The following CNTNAP2 variants were observed in gnomAD, a reference collection of about 807,000 sequenced individuals.
CNTNAP2 encodes the protein contactin-associated protein-like 2.
Under a neutral mutation model 155.2 loss-of-function variants are expected in CNTNAP2, and 98 were observed. The ratio of observed to expected loss-of-function variants is 0.63; its 90% CI spans 0.54 to 0.75. The LOEUF (loss-of-function observed/expected upper bound fraction) is 0.75. CNTNAP2 is among the 30% of genes least tolerant of loss of function. The probability of loss-of-function intolerance (pLI) is 0.00; values close to 1 mark genes in which losing one functional copy is unlikely to be tolerated. For synonymous variants in CNTNAP2, 651 were observed against 631.2 expected (o/e 1.03, Z -0.47); for missense variants, 1,727 against 1,688.1 (o/e 1.02, Z -0.40).
intron 9 of CNTNAP2, among the ~76,000 whole-genome samples, chr7:147,311,307 G>A (rs546513803): frequency 6.6e-6 from 1 of 152,194 alleles, no homozygotes; most frequent in Non-Finnish European, 1.5e-5. Context: ...ACTTCTAAAG[G>A]AAAAAGAGGT....
At chr7:148,243,640 C>T (rs1281011200) in intron 20 of CNTNAP2, among the ~76,000 whole-genome samples, 6 of 151,970 alleles carry the variant, frequency 3.9e-5, no homozygotes, top group Non-Finnish European at 7.4e-5. Flanking sequence ...TTCACTATCA[C>T]AAGAACAGCA....
At chr7:147,224,107 C>T (rs186869894) in intron 8 of CNTNAP2, among the ~76,000 whole-genome samples, 2 of 152,058 alleles carry the variant, frequency 1.3e-5, no homozygotes, top group Non-Finnish European at 2.9e-5. Context: ...TCTCTGTATC[C>T]CTCATCTGTC....
chr7:147,722,723 A>G (rs781083261), intron 13 of CNTNAP2, among the ~76,000 whole-genome samples: 1 of 152,098 alleles, frequency 6.6e-6, no homozygotes, highest in Non-Finnish European at 1.5e-5. Context: ...TTAAACCTTT[A>G]AAGTCTCCCA....
At chr7:148,046,312 T>C (rs1802773454) in intron 15 of CNTNAP2, among the ~76,000 whole-genome samples, 1 of 152,160 alleles carries the variant, frequency 6.6e-6, no homozygotes, top group Admixed American at 6.5e-5. Context: ...ATTATAGTAC[T>C]ATGCATTATG....
chr7:147,350,252 A>G (rs1795946529), intron 9 of CNTNAP2, among the ~76,000 whole-genome samples: 1 of 151,918 alleles, frequency 6.6e-6, no homozygotes, highest in African/African-American at 2.4e-5. Flanking sequence ...TGCATTTTCT[A>G]ATTTCTCCTC....
intron 13 of CNTNAP2, among the ~76,000 whole-genome samples, chr7:147,818,800 G>C (rs954368722): frequency 3.3e-5 from 5 of 152,032 alleles, no homozygotes; most frequent in Admixed American, 6.6e-5. Flanking sequence ...TAACAAAATG[G>C]CTTAAAGGCA....
chr7:147,233,172 A>C (rs1803722625), intron 8 of CNTNAP2, among the ~76,000 whole-genome samples: 1 of 152,212 alleles, frequency 6.6e-6, no homozygotes. Flanking sequence ...ATGGAGAACA[A>C]AATAACTCAG....
chr7:147,039,983 C>A (rs1260723051), intron 3 of CNTNAP2, among the ~76,000 whole-genome samples: 2 of 152,254 alleles, frequency 1.3e-5, no homozygotes, highest in South Asian at 2.1e-4. Flanking sequence ...AGAGCTTCTG[C>A]ACAGCAAAAG....
At chr7:146,992,068 C>T (rs1204479562) in intron 3 of CNTNAP2, among the ~76,000 whole-genome samples, 1 of 152,064 alleles carries the variant, frequency 6.6e-6, no homozygotes, top group Non-Finnish European at 1.5e-5. Context: ...CACACATCTC[C>T]CTTGGAGGGT....
chr7:148,301,085 G>C (rs1207907524), intron 21 of CNTNAP2, among the ~76,000 whole-genome samples: 1 of 151,954 alleles, frequency 6.6e-6, no homozygotes, highest in African/African-American at 2.4e-5. Flanking sequence ...CACGAGGTCA[G>C]GAGTTTGAGA....
intron 21 of CNTNAP2, among the ~76,000 whole-genome samples, chr7:148,272,386 A>C (rs559579516): frequency 6.6e-6 from 1 of 152,306 alleles, no homozygotes; most frequent in African/African-American, 2.4e-5. Flanking sequence ...GAAATCTTCA[A>C]GGAAGAGAAA....
chr7:147,204,168 GAAAAT>G (rs1444358588), intron 8 of CNTNAP2, among the ~76,000 whole-genome samples: 2 of 151,510 alleles, frequency 1.3e-5, no homozygotes, highest in Non-Finnish European at 2.9e-5. Context: ...TATTCTGAAA[GAAAAT>G]AAGAGAGCAG....
chr7:147,042,548 T>C (rs534002273), intron 3 of CNTNAP2, among the ~76,000 whole-genome samples: 28 of 152,302 alleles, frequency 1.8e-4, no homozygotes, highest in Non-Finnish European at 3.5e-4. Flanking sequence ...TCTGTATTTT[T>C]TTTTAATTAA....
intron 4 of CNTNAP2, among the ~76,000 whole-genome samples, chr7:147,052,732 G>A (rs918392857): frequency 7.2e-5 from 11 of 151,810 alleles, no homozygotes; most frequent in Non-Finnish European, 1.0e-4. Flanking sequence ...CCAAGATCCA[G>A]AGTAATGTGA....
chr7:146,975,033 C>T (rs1797881725), intron 3 of CNTNAP2, among the ~76,000 whole-genome samples: 1 of 152,062 alleles, frequency 6.6e-6, no homozygotes, highest in African/African-American at 2.4e-5. Context: ...CGTATATTAA[C>T]TTCTATTAAT....
chr7:146,693,507 A>G (rs1240985528), intron 1 of CNTNAP2, among the ~76,000 whole-genome samples: 2 of 152,148 alleles, frequency 1.3e-5, no homozygotes, highest in Admixed American at 1.3e-4. Context: ...ATAGTAAAAT[A>G]AGCTAGGCTC....
At chr7:146,225,305 A>G (rs555672575) in intron 1 of CNTNAP2, among the ~76,000 whole-genome samples, 1 of 152,350 alleles carries the variant, frequency 6.6e-6, no homozygotes, top group South Asian at 2.1e-4. Flanking sequence ...CTTCATTCAC[A>G]AAGTACATAG....
intron 1 of CNTNAP2, among the ~76,000 whole-genome samples, chr7:146,567,943 C>T (rs1032952260): frequency 3.3e-5 from 5 of 152,048 alleles, no homozygotes; most frequent in Admixed American, 6.5e-5. Context: ...GATGGTGTCT[C>T]GAAAAACATT....
chr7:148,007,894 G>T (rs1450263240), intron 15 of CNTNAP2, among the ~76,000 whole-genome samples: 1 of 152,136 alleles, frequency 6.6e-6, no homozygotes, highest in Non-Finnish European at 1.5e-5. Flanking sequence ...TCTGTGAGAG[G>T]CAGAATAATG....
Sources: allele counts gnomAD v4.1 joint callset (sites outside exome capture counted in the v4.1 genomes callset), GRCh38; gene constraint gnomAD v4.1.1; transcripts MANE v1.5; gene names NCBI Gene and HGNC (gene_info 2026-07-23, HGNC 2026-07-21).